The following STAT5B variants were observed in gnomAD, a reference collection of about 807,000 sequenced individuals.
STAT5B encodes the protein transcription factor STAT5B.
A neutral mutation model predicts 107.8 loss-of-function variants in STAT5B; 21 were observed. The ratio of observed to expected loss-of-function variants is 0.19; its 90% CI spans 0.14 to 0.28. The LOEUF (loss-of-function observed/expected upper bound fraction) is 0.28, where lower values mean the gene tolerates loss of function less well. Ranked by LOEUF, STAT5B falls within the 10% of genes least tolerant of loss-of-function variation. STAT5B has a pLI of 1.00. For synonymous variants in STAT5B, 325 were observed against 401.7 expected (o/e 0.81, Z 2.28); for missense variants, 565 against 1,008.2 (o/e 0.56, Z 5.95).
At chr17:42,220,423 G>C (rs1259197348) in intron 5 of STAT5B, among the ~76,000 whole-genome samples, 2 of 152,202 alleles carry the variant, frequency 1.3e-5, no homozygotes, top group Non-Finnish European at 2.9e-5. Context: ...AGGTGACAGA[G>C]ACAAGCAGCT....
chr17:42,218,602 T>A, intron 8 of STAT5B, 121 bp downstream of exon 8: 1 of 1,568,606 alleles, frequency 6.4e-7, no homozygotes, highest in East Asian at 2.3e-5. Context: ...CAACTGGAGA[T>A]GGAGTTGGGA....
intron 1 of STAT5B, among the ~76,000 whole-genome samples, chr17:42,261,343 A>C (rs1198982970): frequency 1.3e-5 from 2 of 152,242 alleles, no homozygotes; most frequent in Non-Finnish European, 2.9e-5. Flanking sequence ...ATATGTTTAT[A>C]GTTTTATCTT....
At chr17:42,254,167 G>A (rs2080522373) in intron 1 of STAT5B, among the ~76,000 whole-genome samples, 1 of 152,068 alleles carries the variant, frequency 6.6e-6, no homozygotes, top group South Asian at 2.1e-4. Flanking sequence ...CTTGAGGCCA[G>A]GAGTTCAAGA....
In STAT5B at chr17:42,232,122, A is replaced by G; in HGVS notation, c.6T>C (p.Ala2=). Residue 2 remains alanine, a synonymous_variant, in exon 2 of 19, where the codon GCT becomes GCC. Coordinates refer to ENST00000293328, the MANE Select transcript of STAT5B (RefSeq NM_012448.4). ...GGAGCTGCTGAGCTTGTATCCACAC[A>G]GCCATGGTTTACAATCTGTTGAACA... M[A]VWIQAQQLQG... 1 of 1,614,054 alleles carries G rather than the reference A, an allele frequency of 6.2e-7. No homozygotes were observed.
intron 1 of STAT5B, among the ~76,000 whole-genome samples, chr17:42,268,103 T>C (rs1363896107): frequency 6.6e-6 from 1 of 152,168 alleles, no homozygotes; most frequent in Non-Finnish European, 1.5e-5. Flanking sequence ...TAATGTACAG[T>C]AATGTCCTAG....
At chr17:42,267,089 T>C (rs977594010) in intron 1 of STAT5B, among the ~76,000 whole-genome samples, 1 of 152,202 alleles carries the variant, frequency 6.6e-6, no homozygotes, top group Non-Finnish European at 1.5e-5. Context: ...GCCATCATAA[T>C]GTTGTAATGC....
At chr17:42,224,102 G>A (rs934727768) in intron 4 of STAT5B, among the ~76,000 whole-genome samples, 1 of 152,088 alleles carries the variant, frequency 6.6e-6, no homozygotes, top group South Asian at 2.1e-4. Context: ...AGTGATGGGG[G>A]AGGCATAAAC....
intron 12 of STAT5B, chr17:42,214,111 C>A (rs2080152133): frequency 1.4e-6 from 1 of 696,706 alleles, no homozygotes; most frequent in African/African-American, 2.0e-5. Context: ...CCACTGTACT[C>A]CAGCCTGGGT....
At chr17:42,258,231 T>C (rs914930136) in intron 1 of STAT5B, among the ~76,000 whole-genome samples, 4 of 152,116 alleles carry the variant, frequency 2.6e-5, no homozygotes, top group Non-Finnish European at 5.9e-5. Context: ...AATAAAGGGG[T>C]TCCTAAAGCC....
rs2080042336 is a variant in STAT5B at position 42,201,442 on chromosome 17, A to G, written c.*296T>C. 6 of 599,518 alleles carry G rather than the reference A, an allele frequency of 1.0e-5. No individual in the cohort carries two copies. Among genetic ancestry groups the G allele is most frequent in the Admixed American group, 2.9e-5 (1 of 34,208 alleles). The allele number at this position is 599,518 out of a possible 1,614,324, so 37.1% of individuals were successfully genotyped here. ...TGCCTTTTTGCACAAAGTAAAAACC[A>G]CCACAGCTTCTGTCTGTGGCCCCTC... On this transcript the variant is annotated 3_prime_UTR_variant, in exon 19 of 19. Transcript: ENST00000293328.
chr17:42,201,890 A>C, intron 18 of STAT5B, 26 bp from the exon 19 acceptor site: 1 of 1,611,764 alleles, frequency 6.2e-7, no homozygotes. Context: ...AGAGGGATGA[A>C]GGGAAGGGGA....
intron 1 of STAT5B, chr17:42,234,881 G>A (rs1598316769): frequency 6.6e-6 from 1 of 152,190 alleles, no homozygotes; most frequent in African/African-American, 2.4e-5. Context: ...ATTATATAAG[G>A]GATGGATGAA....
chr17:42,262,973 TATATATATA>T (rs2080627531), intron 1 of STAT5B, among the ~76,000 whole-genome samples: 1 of 19,564 alleles, frequency 5.1e-5, no homozygotes, highest in African/African-American at 3.4e-4. Context: ...TGTGTGTGTA[TATATATATA>T]TATATATATA....
chr17:42,243,281 G>C (rs976175074), intron 1 of STAT5B, among the ~76,000 whole-genome samples: 2 of 152,164 alleles, frequency 1.3e-5, no homozygotes, highest in Admixed American at 6.5e-5. Flanking sequence ...TCTTGAACCC[G>C]GGAGGCAGAG....
intron 1 of STAT5B, chr17:42,271,017 C>T (rs1235912102): frequency 6.6e-6 from 1 of 152,204 alleles, no homozygotes; most frequent in Non-Finnish European, 1.5e-5. Flanking sequence ...GGGTTTTGAA[C>T]ATAATTTGAA....
intron 1 of STAT5B, among the ~76,000 whole-genome samples, chr17:42,257,873 T>C (rs772257904): frequency 6.6e-6 from 1 of 152,206 alleles, no homozygotes. Flanking sequence ...CTTAAAAATG[T>C]CCATGTGTTT....
Position 42,212,082 on chromosome 17 carries a change from C to T in STAT5B, c.1582G>A (p.Glu528Lys). 1 of 1,614,130 alleles carries T rather than the reference C, an allele frequency of 6.2e-7. No homozygotes were observed. Among genetic ancestry groups the T allele is most frequent in the Non-Finnish European group, 8.5e-7 (1 of 1,179,996 alleles). ...TTCTGCGCCAGGAACACGAGGTTCT[C>T]CTTGGTCAGGCCCCGGTTGCTCTGC... ...EVQSNRGLTKENLVFLAQKLF... is the reference protein window; with the variant it reads ...EVQSNRGLTKKNLVFLAQKLF... Residue 528 changes from glutamate to lysine, a missense_variant, in exon 13 of 19, where the codon GAG (glutamate) becomes AAG (lysine). This residue lies in a region of STAT5B where 127 missense variants were observed against 215.8 expected (regional missense o/e 0.59). Transcript: ENST00000293328.
intron 1 of STAT5B, among the ~76,000 whole-genome samples, chr17:42,244,528 T>A (rs369053082): frequency 6.6e-6 from 1 of 152,186 alleles, no homozygotes; most frequent in Non-Finnish European, 1.5e-5. Flanking sequence ...CCTGTTTCTA[T>A]ACTGCTTAAA....
At chr17:42,213,529 T>C (rs1394555542) in intron 12 of STAT5B, among the ~76,000 whole-genome samples, 1 of 150,438 alleles carries the variant, frequency 6.6e-6, no homozygotes, top group Non-Finnish European at 1.5e-5. Context: ...TATTTATTTT[T>C]TATTTTTTAT....
Sources: allele counts gnomAD v4.1 joint callset (sites outside exome capture counted in the v4.1 genomes callset), GRCh38; gene constraint gnomAD v4.1.1; regional missense constraint gnomAD v4.1.1; transcripts MANE v1.5; gene names NCBI Gene and HGNC (gene_info 2026-07-23, HGNC 2026-07-21).